MTUS1: variants seen among roughly 807,000 people sequenced by gnomAD.
MTUS1 encodes the protein microtubule associated scaffold protein 1.
Under a neutral mutation model 120.8 loss-of-function variants are expected in MTUS1, and 109 were observed. The observed-to-expected ratio is 0.90, with a 90% CI of 0.77 to 1.06. MTUS1 has a LOEUF of 1.06. MTUS1 is among the 50% of genes least tolerant of loss of function. The probability of loss-of-function intolerance (pLI) is 0.00; values close to 1 mark genes in which losing one functional copy is unlikely to be tolerated. For missense variants in MTUS1, 2,210 were observed against 1,486.3 expected, an observed-to-expected ratio of 1.49 and a Z score of -8.01; for synonymous variants, 737 against 550.5, an observed-to-expected ratio of 1.34 and a Z score of -4.74.
chr8:17,777,435 T>C (rs2131497057), intron 1 of MTUS1, among the ~76,000 whole-genome samples: 1 of 144,526 alleles, frequency 6.9e-6, no homozygotes, highest in Middle Eastern at 3.5e-3. Flanking sequence ...GGAGACACTG[T>C]CTCAAAAAAA....
chr8:17,650,633 CAGG>C lies in MTUS1; in HGVS notation c.3385-674_3385-672del, dbSNP rs1806780292. Reference sequence around the variant, plus strand: ...GCTGAGGCGGGAGGATCAACTGAGCCAGGAGGTCAAGGCTGCAGTGAACTGTGA... The same window carrying C: ...GCTGAGGCGGGAGGATCAACTGAGCCAGGTCAAGGCTGCAGTGAACTGTGA... On this transcript the variant is annotated intron_variant, in intron 12 of 14. Coordinates refer to ENST00000693296, the MANE Select transcript of MTUS1 (RefSeq NM_001363059.2). Among the ~76,000 whole-genome samples the C allele has an allele frequency of 2.6e-5, 4 of 152,270 alleles. No individual in the cohort carries two copies. In the South Asian group the frequency reaches 8.3e-4, roughly 32 times the overall value.
At chr8:17,783,593 G>A (rs919817848) in intron 1 of MTUS1, among the ~76,000 whole-genome samples, 2 of 152,110 alleles carry the variant, frequency 1.3e-5, no homozygotes, top group African/African-American at 4.8e-5. Context: ...AAATTCACAA[G>A]TTGGGCATTG....
intron 8 of MTUS1, among the ~76,000 whole-genome samples, chr8:17,667,041 G>C (rs1013704683): frequency 2.6e-5 from 4 of 152,186 alleles, no homozygotes; most frequent in Non-Finnish European, 5.9e-5. Flanking sequence ...AAAATCCCAA[G>C]TTGAGAGACT....
At chr8:17,717,374 T>G (rs972165314) in intron 4 of MTUS1, among the ~76,000 whole-genome samples, 5 of 152,332 alleles carry the variant, frequency 3.3e-5, no homozygotes, top group African/African-American at 1.2e-4. Context: ...AACAGAACCC[T>G]TTTTAGATGT....
chr8:17,707,751 G>T (rs947942438), intron 6 of MTUS1, among the ~76,000 whole-genome samples: 3 of 152,288 alleles, frequency 2.0e-5, no homozygotes, highest in Middle Eastern at 3.4e-3. Context: ...TACTAATCAA[G>T]ACAGTGTAGC....
chr8:17,741,149 G>A (rs148205583), intron 3 of MTUS1, among the ~76,000 whole-genome samples: 3 of 151,968 alleles, frequency 2.0e-5, no homozygotes, highest in African/African-American at 7.3e-5. Context: ...AAAGTGCTGG[G>A]ATTACAAGCG....
intron 4 of MTUS1, among the ~76,000 whole-genome samples, chr8:17,719,743 G>T (rs1310212120): frequency 6.6e-6 from 1 of 152,140 alleles, no homozygotes; most frequent in African/African-American, 2.4e-5. Context: ...ACTAACCAGT[G>T]TTGGCAGGTG....
chr8:17,709,834 C>T (rs771450274), intron 6 of MTUS1, among the ~76,000 whole-genome samples: 43 of 151,888 alleles, frequency 2.8e-4, no homozygotes, highest in Non-Finnish European at 4.3e-4. Flanking sequence ...GGTGAAACCC[C>T]GTCTCTACTA....
chr8:17,763,700 G>A (rs986558400), intron 1 of MTUS1, among the ~76,000 whole-genome samples: 1 of 152,136 alleles, frequency 6.6e-6, no homozygotes, highest in African/African-American at 2.4e-5. Flanking sequence ...GGAGCCCCAG[G>A]CAAAGGGAAA....
intron 6 of MTUS1, chr8:17,697,289 C>T (rs1402225717): frequency 6.2e-7 from 1 of 1,613,894 alleles, no homozygotes; most frequent in Non-Finnish European, 8.5e-7. Flanking sequence ...TCTCCTAAAC[C>T]CTGAAGGAAG....
At chr8:17,739,204 A>G (rs1258436524) in intron 3 of MTUS1, among the ~76,000 whole-genome samples, 1 of 152,156 alleles carries the variant, frequency 6.6e-6, no homozygotes, top group Non-Finnish European at 1.5e-5. Context: ...TATTAAAAAT[A>G]AAACTCAGGC....
chr8:17,746,494 T>C (rs114750573), intron 2 of MTUS1, among the ~76,000 whole-genome samples: 3,637 of 152,194 alleles, frequency 0.024, 153 homozygotes, highest in African/African-American at 0.083. Flanking sequence ...AGGTTCATCT[T>C]ACAAGGCAGC....
At chr8:17,745,711 A>G (rs2047691168) in intron 2 of MTUS1, among the ~76,000 whole-genome samples, 1 of 152,160 alleles carries the variant, frequency 6.6e-6, no homozygotes, top group African/African-American at 2.4e-5. Flanking sequence ...ATCGAACGTT[A>G]ATAACTCCAT....
chr8:17,661,013 A>G (rs1314116096), intron 8 of MTUS1, among the ~76,000 whole-genome samples: 2 of 152,208 alleles, frequency 1.3e-5, no homozygotes, highest in Non-Finnish European at 2.9e-5. Flanking sequence ...AATTTAGTGA[A>G]AGATAGTGAT....
chr8:17,781,878 G>C (rs1004102185), intron 1 of MTUS1, among the ~76,000 whole-genome samples: 2 of 152,008 alleles, frequency 1.3e-5, no homozygotes, highest in South Asian at 4.1e-4. Context: ...TCATGAGGCC[G>C]CCTTTAGAGA....
chr8:17,779,955 G>C (rs1015196947), intron 1 of MTUS1, among the ~76,000 whole-genome samples: 3 of 152,184 alleles, frequency 2.0e-5, no homozygotes, highest in Admixed American at 6.5e-5. Flanking sequence ...TGTTTAACAG[G>C]AATCTCTGAC....
chr8:17,796,561 G>A (rs1368366483), intron 1 of MTUS1, among the ~76,000 whole-genome samples: 1 of 152,008 alleles, frequency 6.6e-6, no homozygotes, highest in Non-Finnish European at 1.5e-5. Flanking sequence ...CTGCTTCTAG[G>A]GTATGAAAAG....
Position 17,742,304 on chromosome 8 carries a change from T to TC in MTUS1, c.2287+1299_2287+1300insG, listed in dbSNP as rs1451074969. Among the ~76,000 whole-genome samples, 469 of 144,766 alleles carry TC rather than the reference T, an allele frequency of 3.2e-3. 4 individuals carry two copies. Among genetic ancestry groups the TC allele is most frequent in the African/African-American group, 0.011 (413 of 38,692 alleles). 95.0% of individuals were successfully genotyped at this position (144,766 alleles called of 152,430 possible). ...TTTGTTGTTGTTGTTTTTTTTTTTT[T>TC]TTTTTTTAGAGATAGTGTCTTGCTA... On this transcript the variant is annotated intron_variant, in intron 3 of 14. Transcript: ENST00000693296.
At chr8:17,773,538 G>C (rs981777776) in intron 1 of MTUS1, among the ~76,000 whole-genome samples, 1 of 152,282 alleles carries the variant, frequency 6.6e-6, no homozygotes, top group East Asian at 1.9e-4. Flanking sequence ...TGCAGGCTTA[G>C]AGTCCAAGAA....
Sources: gnomAD v4.1 joint callset for allele counts (sites outside exome capture counted in the v4.1 genomes callset) on GRCh38, gnomAD v4.1.1 for gene constraint, MANE v1.5 for transcripts, NCBI Gene and HGNC (gene_info 2026-07-23, HGNC 2026-07-21) for gene names.